MAPK10: variants seen among roughly 807,000 people sequenced by gnomAD.
MAPK10 encodes the protein JNK3 alpha protein kinase.
Under a neutral mutation model 59.3 loss-of-function variants are expected in MAPK10, and 25 were observed. The ratio of observed to expected loss-of-function variants is 0.42; its 90% CI spans 0.31 to 0.59. MAPK10 has a LOEUF of 0.59. Among genes scored for constraint, MAPK10 ranks in the 20% least tolerant of loss-of-function variants. The pLI is 0.15. For missense variants in MAPK10, 351 were observed against 568.9 expected, an observed-to-expected ratio of 0.62 and a Z score of 3.90; for synonymous variants, 190 against 200.5, an observed-to-expected ratio of 0.95 and a Z score of 0.44.
intron 8 of MAPK10, 89 bp from the exon 9 acceptor site, chr4:86,098,684 C>T: frequency 8.9e-7 from 1 of 1,123,402 alleles, no homozygotes; most frequent in Admixed American, 1.8e-5. Flanking sequence ...GGAAAAAGAA[C>T]AGTTTGATTA....
At chr4:86,180,950 T>A (rs1161679665) in intron 3 of MAPK10, among the ~76,000 whole-genome samples, 1 of 152,072 alleles carries the variant, frequency 6.6e-6, no homozygotes, top group African/African-American at 2.4e-5. Flanking sequence ...AGGGTGACTA[T>A]AGTTTATATT....
At chr4:86,175,153 A>G (rs1244966242) in intron 3 of MAPK10, among the ~76,000 whole-genome samples, 2 of 152,192 alleles carry the variant, frequency 1.3e-5, no homozygotes, top group Non-Finnish European at 2.9e-5. Context: ...TCCTTCTCAG[A>G]GTGGAAGTAA....
intron 1 of MAPK10, among the ~76,000 whole-genome samples, chr4:86,452,747 C>T (rs575774125): frequency 2.6e-5 from 4 of 152,170 alleles, no homozygotes; most frequent in South Asian, 2.1e-4. Context: ...GAGATCATGG[C>T]GGACGGGAGG....
intron 2 of MAPK10, among the ~76,000 whole-genome samples, chr4:86,227,497 A>G (rs894342459): frequency 1.3e-5 from 2 of 151,686 alleles, no homozygotes; most frequent in Non-Finnish European, 2.9e-5. Context: ...AAAAAAAAAA[A>G]AAAGAAAGAA....
upstream of MAPK10, among the ~76,000 whole-genome samples, chr4:86,362,151 T>A (rs912517802): frequency 6.6e-6 from 1 of 152,096 alleles, no homozygotes; most frequent in Non-Finnish European, 1.5e-5. Flanking sequence ...ACCCCATAAA[T>A]ATATACAATT....
intron 4 of MAPK10, among the ~76,000 whole-genome samples, chr4:86,123,361 G>T (rs2059567971): frequency 6.6e-6 from 1 of 152,034 alleles, no homozygotes; most frequent in African/African-American, 2.4e-5. Context: ...ATGAATATGG[G>T]AGTGCAGCTA....
At chr4:86,090,456 G>A (rs973168311) in intron 9 of MAPK10, 4 of 152,038 alleles carry the variant, frequency 2.6e-5, no homozygotes, top group Non-Finnish European at 5.9e-5. Flanking sequence ...AAACGGTTAC[G>A]GCTTTGAAGG....
intron 1 of MAPK10, among the ~76,000 whole-genome samples, chr4:86,366,268 A>C (rs1291992733): frequency 6.6e-6 from 1 of 152,148 alleles, no homozygotes; most frequent in Non-Finnish European, 1.5e-5. Context: ...GACCATGTTG[A>C]TAGCAAGAGG....
chr4:86,438,326 A>G (rs1225079271), intron 1 of MAPK10, among the ~76,000 whole-genome samples: 1 of 152,196 alleles, frequency 6.6e-6, no homozygotes, highest in Admixed American at 6.5e-5. Context: ...TATGATGATC[A>G]TATTATAAAG....
intron 2 of MAPK10, among the ~76,000 whole-genome samples, chr4:86,257,578 C>T (rs2093801909): frequency 6.6e-6 from 1 of 152,218 alleles, no homozygotes; most frequent in African/African-American, 2.4e-5. Flanking sequence ...CTTCATGCTC[C>T]ATGAAATTAG....
chr4:86,221,792 A>C (rs1158739355), intron 2 of MAPK10, among the ~76,000 whole-genome samples: 1 of 152,144 alleles, frequency 6.6e-6, no homozygotes, highest in East Asian at 1.9e-4. Context: ...GCCACTGAGC[A>C]CAGCATATCA....
At chr4:86,296,385 G>A (rs1342242298) in intron 2 of MAPK10, among the ~76,000 whole-genome samples, 2 of 152,032 alleles carry the variant, frequency 1.3e-5, no homozygotes, top group Non-Finnish European at 2.9e-5. Flanking sequence ...CCCAGGAGAT[G>A]AAAGGAACCA....
chr4:86,178,221 GT>G (rs763437629), intron 3 of MAPK10, among the ~76,000 whole-genome samples: 1 of 151,782 alleles, frequency 6.6e-6, no homozygotes, highest in Non-Finnish European at 1.5e-5. Flanking sequence ...TAGTTTTTTT[GT>G]TCTCAGTTAA....
intron 1 of MAPK10, among the ~76,000 whole-genome samples, chr4:86,551,301 A>G (rs967415707): frequency 6.6e-6 from 1 of 152,172 alleles, no homozygotes; most frequent in Admixed American, 6.5e-5. Flanking sequence ...AAGTTTTAAA[A>G]TTTTGTTTTG....
intron 3 of MAPK10, among the ~76,000 whole-genome samples, chr4:86,181,166 AT>A (rs2076856499): frequency 6.6e-6 from 1 of 152,120 alleles, no homozygotes; most frequent in South Asian, 2.1e-4. Flanking sequence ...TGGGATGGAT[AT>A]TAAACTAATA....
intron 1 of MAPK10, among the ~76,000 whole-genome samples, chr4:86,432,099 GA>G (rs1748120849): frequency 6.6e-6 from 1 of 152,162 alleles, no homozygotes. Flanking sequence ...AGCCCCTAGA[GA>G]AGAAAGCCTA....
chr4:86,197,081 T>A (rs1400387198), intron 2 of MAPK10, among the ~76,000 whole-genome samples: 1 of 152,218 alleles, frequency 6.6e-6, no homozygotes, highest in Non-Finnish European at 1.5e-5. Context: ...AAGTAGTTTT[T>A]TCTAATTCTG....
chr4:86,282,033 C>T (rs924532339), intron 2 of MAPK10, among the ~76,000 whole-genome samples: 6 of 152,122 alleles, frequency 3.9e-5, no homozygotes, highest in East Asian at 1.9e-4. Flanking sequence ...GAATAATTAT[C>T]GAAGGGACTA....
intron 1 of MAPK10, among the ~76,000 whole-genome samples, chr4:86,446,536 A>T (rs771577015): frequency 2.8e-4 from 42 of 152,084 alleles, no homozygotes; most frequent in Non-Finnish European, 5.3e-4. Flanking sequence ...TTTTTATTTT[A>T]AAAAAATGCC....
Sources: gnomAD v4.1 joint callset for allele counts (sites outside exome capture counted in the v4.1 genomes callset) on GRCh38, gnomAD v4.1.1 for gene constraint, MANE v1.5 for transcripts, NCBI Gene and HGNC (gene_info 2026-07-23, HGNC 2026-07-21) for gene names.